Variants in RHBDD1 observed in about 807,000 individuals in gnomAD.
The protein encoded by RHBDD1 is rhomboid-related protein 4.
A neutral mutation model predicts 36.3 loss-of-function variants in RHBDD1; 38 were observed. The ratio of observed to expected loss-of-function variants is 1.05; its 90% CI spans 0.81 to 1.37. The LOEUF is 1.37. Among genes scored for constraint, RHBDD1 ranks in the 40% most tolerant of loss-of-function variants. The probability of loss-of-function intolerance (pLI) is 0.00; values close to 1 mark genes in which losing one functional copy is unlikely to be tolerated. For missense variants in RHBDD1, 393 were observed against 377.6 expected, an observed-to-expected ratio of 1.04 and a Z score of -0.34; for synonymous variants, 151 against 136.5, an observed-to-expected ratio of 1.11 and a Z score of -0.74.
In RHBDD1 at chr2:226,993,760, C is replaced by T. The variant is rs141218490; in HGVS notation, c.857-1671C>T. On this transcript the variant is annotated intron_variant, in intron 8 of 8. Coordinates refer to ENST00000392062, the MANE Select transcript of RHBDD1 (RefSeq NM_001167608.3). The stretch of plus-strand genomic sequence containing the variant: ...AATATAAAAAAGGGGTTGGCTTTGA[C>T]TGCTTTTTTGAATTTCTCTTTGACA... Among the ~76,000 whole-genome samples the T allele has an allele frequency of 1.2e-4, 19 of 152,320 alleles. 1 individual carries two copies. Among genetic ancestry groups the T allele is most frequent in the African/African-American group, 4.6e-4 (19 of 41,586 alleles).
chr2:226,804,690 T>A, the RHBDD1 span: 1 of 152,162 alleles, frequency 6.6e-6, no homozygotes, highest in Non-Finnish European at 1.5e-5. Context: ...TTTCAAAACA[T>A]TTGCTGTTTG....
chr2:226,862,484 A>G (rs532429618), intron 3 of RHBDD1, among the ~76,000 whole-genome samples: 1 of 152,218 alleles, frequency 6.6e-6, no homozygotes, highest in South Asian at 2.1e-4. Flanking sequence ...AGAAAGCAGA[A>G]ACCATTAGAT....
chr2:226,944,771 A>G (rs901823811), intron 8 of RHBDD1, among the ~76,000 whole-genome samples: 1 of 152,170 alleles, frequency 6.6e-6, no homozygotes, highest in Non-Finnish European at 1.5e-5. Context: ...CCTTTGTTGT[A>G]TAAATCAATG....
chr2:226,806,874 C>A, the RHBDD1 span, among the ~76,000 whole-genome samples: 2 of 152,204 alleles, frequency 1.3e-5, no homozygotes, highest in African/African-American at 4.8e-5. Context: ...CAGAACAGAA[C>A]AATGATCATC....
the RHBDD1 span, among the ~76,000 whole-genome samples, chr2:226,825,126 C>T: frequency 6.6e-6 from 1 of 152,234 alleles, no homozygotes; most frequent in Non-Finnish European, 1.5e-5. Context: ...AGCACATACA[C>T]AGCACTCATG....
intron 8 of RHBDD1, among the ~76,000 whole-genome samples, chr2:226,944,727 T>G (rs530002355): frequency 6.6e-6 from 1 of 152,312 alleles, no homozygotes; most frequent in African/African-American, 2.4e-5. Flanking sequence ...CTTATTTGGC[T>G]TAAAGATTGA....
chr2:226,852,945 T>TATTA (rs1187341112), intron 3 of RHBDD1, among the ~76,000 whole-genome samples: 1 of 148,324 alleles, frequency 6.7e-6, no homozygotes, highest in Non-Finnish European at 1.5e-5. Flanking sequence ...TTATTATTAT[T>TATTA]ATTTGTAGAG....
At chr2:226,855,124 A>G (rs1943196421) in intron 3 of RHBDD1, among the ~76,000 whole-genome samples, 1 of 152,240 alleles carries the variant, frequency 6.6e-6, no homozygotes, top group African/African-American at 2.4e-5. Flanking sequence ...ACATTATCCC[A>G]CTAAGGGATC....
At chr2:226,858,201 A>G (rs1409697413) in intron 3 of RHBDD1, among the ~76,000 whole-genome samples, 3 of 152,244 alleles carry the variant, frequency 2.0e-5, no homozygotes, top group Non-Finnish European at 1.5e-5. Context: ...TAGAACATAC[A>G]CTTCAAATAT....
At chr2:226,880,500 G>C (rs1393917192) in intron 5 of RHBDD1, among the ~76,000 whole-genome samples, 1 of 152,150 alleles carries the variant, frequency 6.6e-6, no homozygotes, top group Non-Finnish European at 1.5e-5. Flanking sequence ...GAGATGAGAA[G>C]GAGAAATTTT....
intron 8 of RHBDD1, among the ~76,000 whole-genome samples, chr2:226,916,751 T>C (rs1302912937): frequency 3.3e-5 from 5 of 152,142 alleles, no homozygotes; most frequent in Non-Finnish European, 1.5e-5. Context: ...AAACCTCCCA[T>C]GTTAAATGTA....
At chr2:226,886,261 GT>G (rs1946193062) in intron 5 of RHBDD1, among the ~76,000 whole-genome samples, 1 of 152,118 alleles carries the variant, frequency 6.6e-6, no homozygotes, top group African/African-American at 2.4e-5. Context: ...GTACATTGTA[GT>G]TACTCAATAA....
At chr2:226,850,299 G>A (rs1942680182) in intron 3 of RHBDD1, among the ~76,000 whole-genome samples, 1 of 152,070 alleles carries the variant, frequency 6.6e-6, no homozygotes, top group Non-Finnish European at 1.5e-5. Context: ...GATCTGATTG[G>A]GAAACCAGTC....
At chr2:226,979,498 A>G (rs557030476) in intron 8 of RHBDD1, among the ~76,000 whole-genome samples, 1 of 152,094 alleles carries the variant, frequency 6.6e-6, no homozygotes, top group South Asian at 2.1e-4. Flanking sequence ...CCATCCTCCC[A>G]TTGCACAGGT....
At chr2:226,848,921 T>A (rs1942508008) in intron 3 of RHBDD1, among the ~76,000 whole-genome samples, 2 of 152,222 alleles carry the variant, frequency 1.3e-5, no homozygotes, top group South Asian at 4.1e-4. Context: ...CTACTACAGA[T>A]TAACTAGTAA....
chr2:226,868,182 G>T (rs1944495528), intron 5 of RHBDD1, among the ~76,000 whole-genome samples: 1 of 152,208 alleles, frequency 6.6e-6, no homozygotes, highest in African/African-American at 2.4e-5. Flanking sequence ...TGTTGCTGTG[G>T]CTTCCTCAGA....
intron 8 of RHBDD1, among the ~76,000 whole-genome samples, chr2:226,969,925 G>A (rs980411454): frequency 1.3e-5 from 2 of 151,942 alleles, no homozygotes; most frequent in Non-Finnish European, 2.9e-5. Context: ...GAACTCAGAA[G>A]GAGGGTCTGG....
upstream of RHBDD1, among the ~76,000 whole-genome samples, chr2:226,831,258 G>C (rs1218504804): frequency 6.6e-6 from 1 of 152,186 alleles, no homozygotes; most frequent in Admixed American, 6.5e-5. Context: ...CTCTTTGTGG[G>C]AAGATTTTCT....
chr2:226,873,504 G>A (rs1944957800), intron 5 of RHBDD1, among the ~76,000 whole-genome samples: 1 of 152,202 alleles, frequency 6.6e-6, no homozygotes, highest in Non-Finnish European at 1.5e-5. Context: ...CTCTGAATGA[G>A]CCCAGGCAAG....
Sources: allele counts gnomAD v4.1 joint callset (sites outside exome capture counted in the v4.1 genomes callset), GRCh38; gene constraint gnomAD v4.1.1; transcripts MANE v1.5; gene names NCBI Gene and HGNC (gene_info 2026-07-23, HGNC 2026-07-21).